Variants in AMPH observed in about 807,000 individuals in gnomAD.
AMPH encodes amphiphysin (Stiff-Mann syndrome with breast cancer 128kD autoantigen).
AMPH carries 49 observed loss-of-function variants against 99.1 expected under a neutral mutation model. That is an observed-to-expected ratio of 0.49 (90% CI 0.39 to 0.63). AMPH has a LOEUF of 0.63. AMPH is among the 20% of genes least tolerant of loss of function. AMPH has a pLI of 0.00. For synonymous variants in AMPH, 314 were observed against 317.3 expected (o/e 0.99, Z 0.11); for missense variants, 759 against 863.4 (o/e 0.88, Z 1.52).
intron 11 of AMPH, among the ~76,000 whole-genome samples, chr7:38,455,821 GC>G (rs1004795688): frequency 3.9e-5 from 6 of 152,206 alleles, no homozygotes; most frequent in African/African-American, 1.4e-4. Context: ...TCTGAGCTAA[GC>G]CCCCAAAAGG....
chr7:38,422,554 GTATCTATCTATCTATCTATC>G (rs57006229), intron 15 of AMPH, 77 bp from the exon 16 acceptor site: 82 of 784,654 alleles, frequency 1.0e-4, no homozygotes, highest in East Asian at 5.5e-4. Context: ...GTCTGCCTAC[GTATCTATCTATCTATCTATC>G]TATCTATCTA....
chr7:38,616,810 A>G (rs1486994748), intron 1 of AMPH, among the ~76,000 whole-genome samples: 1 of 152,216 alleles, frequency 6.6e-6, no homozygotes, highest in Non-Finnish European at 1.5e-5. Context: ...TGGGGTTAGA[A>G]TCAGAATAGT....
chr7:38,385,622 G>A (rs1311689671), intron 20 of AMPH, among the ~76,000 whole-genome samples: 1 of 152,204 alleles, frequency 6.6e-6, no homozygotes, highest in Non-Finnish European at 1.5e-5. Flanking sequence ...CTTGCTGGAA[G>A]CGCTCCTATA....
intron 1 of AMPH, among the ~76,000 whole-genome samples, chr7:38,630,677 C>G (rs546086642): frequency 6.6e-6 from 1 of 152,348 alleles, no homozygotes; most frequent in East Asian, 1.9e-4. Context: ...ATATCTAGAT[C>G]TCTGTTTTGA....
intron 12 of AMPH, among the ~76,000 whole-genome samples, chr7:38,433,215 C>T (rs374413913): frequency 6.6e-6 from 1 of 152,152 alleles, no homozygotes; most frequent in African/African-American, 2.4e-5. Context: ...GTTCTGATAC[C>T]CACCCACCTG....
chr7:38,628,744 C>T (rs970095337), intron 1 of AMPH, among the ~76,000 whole-genome samples: 10 of 152,136 alleles, frequency 6.6e-5, no homozygotes, highest in Non-Finnish European at 8.8e-5. Flanking sequence ...TTATGTGCTT[C>T]GTAATTTGCT....
At chr7:38,503,503 T>TGGG (rs67603609) in intron 3 of AMPH, 147 bp downstream of exon 3, 2 of 485,196 alleles carry the variant, frequency 4.1e-6, no homozygotes, top group Non-Finnish European at 7.3e-6. Flanking sequence ...GGCGGGGGGG[T>TGGG]GGGTGGTGGA....
chr7:38,439,482 T>C (rs548118847), intron 11 of AMPH, among the ~76,000 whole-genome samples: 1 of 152,340 alleles, frequency 6.6e-6, no homozygotes, highest in African/African-American at 2.4e-5. Context: ...TGCCAGCTTA[T>C]ATAGTATTCC....
intron 2 of AMPH, among the ~76,000 whole-genome samples, chr7:38,521,111 T>C (rs1220175316): frequency 1.2e-5 from 1 of 85,020 alleles, no homozygotes; most frequent in Non-Finnish European, 2.3e-5. Flanking sequence ...ATTTGTGTCC[T>C]ATAGAGTGGG....
At chr7:38,405,258 A>G (rs184206168) in intron 17 of AMPH, among the ~76,000 whole-genome samples, 7 of 152,358 alleles carry the variant, frequency 4.6e-5, no homozygotes, top group Admixed American at 3.9e-4. Context: ...AAAAGCACAC[A>G]TAAGTACAAA....
intron 11 of AMPH, among the ~76,000 whole-genome samples, chr7:38,461,068 T>C (rs892368377): frequency 6.6e-6 from 1 of 152,230 alleles, no homozygotes; most frequent in African/African-American, 2.4e-5. Context: ...TCTATAAGTA[T>C]ATACTACCCT....
rs149001014 is a variant in AMPH, at chr7:38,487,309, C to T, written c.396+3741G>A. Among the ~76,000 whole-genome samples the T allele has an allele frequency of 7.4e-3, 1,131 of 151,964 alleles. 31 individuals are homozygous for T. Among genetic ancestry groups the T allele is most frequent in the Non-Finnish European group, 4.6e-3 (313 of 67,886 alleles). ...TACTGTAACCAAAACAGCATTGTACCGGTACCAAAAGAGATATATAGACCA... is the reference window on the plus strand; with the variant it reads ...TACTGTAACCAAAACAGCATTGTACTGGTACCAAAAGAGATATATAGACCA... On this transcript the variant is annotated intron_variant, in intron 5 of 20. Transcript: ENST00000356264.
At chr7:38,498,052 T>C (rs1788996959) in intron 3 of AMPH, among the ~76,000 whole-genome samples, 1 of 152,156 alleles carries the variant, frequency 6.6e-6, no homozygotes, top group Non-Finnish European at 1.5e-5. Context: ...TACTAATACC[T>C]CAAACTTCAC....
At chr7:38,438,446 C>T (rs1423519520) in intron 11 of AMPH, among the ~76,000 whole-genome samples, 1 of 152,156 alleles carries the variant, frequency 6.6e-6, no homozygotes, top group East Asian at 1.9e-4. Flanking sequence ...CCAATGCCTG[C>T]CAGGCTGTCA....
chr7:38,511,315 T>G (rs1371533897), intron 2 of AMPH, among the ~76,000 whole-genome samples: 7 of 152,214 alleles, frequency 4.6e-5, no homozygotes, highest in Non-Finnish European at 1.0e-4. Context: ...ATGAGGAAGA[T>G]GCATGATGAA....
At chr7:38,596,295 C>G (rs1418177897) in intron 1 of AMPH, among the ~76,000 whole-genome samples, 1 of 152,148 alleles carries the variant, frequency 6.6e-6, no homozygotes, top group Admixed American at 6.5e-5. Context: ...TACAAGCAAC[C>G]AGCTTCTAGG....
At chr7:38,432,978 T>A (rs1374312969) in intron 12 of AMPH, among the ~76,000 whole-genome samples, 1 of 152,148 alleles carries the variant, frequency 6.6e-6, no homozygotes, top group Non-Finnish European at 1.5e-5. Context: ...AGGGAAGACT[T>A]CTCTTTCTTA....
At chr7:38,407,938 G>A (rs1785099328) in intron 17 of AMPH, among the ~76,000 whole-genome samples, 1 of 152,038 alleles carries the variant, frequency 6.6e-6, no homozygotes, top group Non-Finnish European at 1.5e-5. Flanking sequence ...TAGACTGAGG[G>A]GGAAATGGAT....
At chr7:38,385,019 G>GTCATTCCAAATAAACCTTT in intron 20 of AMPH, 94 bp from the exon 21 acceptor site, 1 of 1,156,842 alleles carries the variant, frequency 8.6e-7, no homozygotes, top group Non-Finnish European at 1.3e-6. Flanking sequence ...TTAGTGTTGT[G>GTCATTCCAAATAAACCTTT]GTTCTGAACC....
Sources: allele counts gnomAD v4.1 joint callset (sites outside exome capture counted in the v4.1 genomes callset), GRCh38; gene constraint gnomAD v4.1.1; transcripts MANE v1.5; gene names NCBI Gene and HGNC (gene_info 2026-07-23, HGNC 2026-07-21).